Variants in BCCIP observed in about 807,000 individuals in gnomAD.
BCCIP encodes the protein BRCA2 and CDKN1A-interacting protein.
Under a neutral mutation model 32.8 loss-of-function variants are expected in BCCIP, and 23 were observed. That is an observed-to-expected ratio of 0.70 (90% CI 0.51 to 0.99). The LOEUF (loss-of-function observed/expected upper bound fraction) is 0.99, where lower values mean the gene tolerates loss of function less well. Ranked by LOEUF, BCCIP falls within the 50% of genes least tolerant of loss-of-function variation. The pLI is 0.00. For missense variants in BCCIP, 378 were observed against 379.8 expected (o/e 1.00, Z 0.04); for synonymous variants, 144 against 137.6 (o/e 1.05, Z -0.33).
At chr10:125,839,284 T>G, downstream of BCCIP, 4 of 1,304,788 alleles carry the variant, frequency 3.1e-6, no homozygotes, top group Non-Finnish European at 4.2e-6. Context: ...CCCTGTGCTC[T>G]CCTCTCCTAC....
In BCCIP at chr10:125,836,509, T is replaced by G. The variant is rs1564820879; in HGVS notation, c.*235T>G. 1 of 1,358,374 alleles carries G rather than the reference T, an allele frequency of 7.4e-7. No homozygotes were observed. The highest frequency in any genetic ancestry group is 9.6e-7 in the Non-Finnish European group (1 of 1,042,780). The allele number at this position is 1,358,374 out of a possible 1,614,324, so 84.1% of individuals were successfully genotyped here. A position where few individuals can be genotyped will look rare whatever the true frequency, so the allele number is the denominator to read the frequency against. On this transcript the variant is annotated 3_prime_UTR_variant, in exon 7 of 7. Transcript: ENST00000278100. ...AAGAAGAAAAGCATGGAGTAGTAAT[T>G]TAAAGAACTCAATAAAAACTTCTAT...
chr10:125,850,634 C>G (rs1013402550), intron 7 of BCCIP, among the ~76,000 whole-genome samples: 2 of 152,076 alleles, frequency 1.3e-5, no homozygotes, highest in Non-Finnish European at 2.9e-5. Flanking sequence ...GGATTAGAGG[C>G]GTGAGCCACT....
At chr10:125,841,354 G>A (rs1321933484), downstream of BCCIP, 1 of 1,613,880 alleles carries the variant, frequency 6.2e-7, no homozygotes, top group East Asian at 2.2e-5. Flanking sequence ...CCCAGTATTA[G>A]AATAAATTAA....
intron 6 of BCCIP, among the ~76,000 whole-genome samples, chr10:125,835,675 G>A (rs566654929): frequency 2.6e-5 from 4 of 152,270 alleles, no homozygotes; most frequent in Admixed American, 2.0e-4. Context: ...TTTTAAGATG[G>A]CGGGGTATGC....
chr10:125,832,275 A>C (rs1486344312), intron 5 of BCCIP, among the ~76,000 whole-genome samples: 1 of 151,890 alleles, frequency 6.6e-6, no homozygotes, highest in African/African-American at 2.4e-5. Context: ...CCTAGGCTAA[A>C]GTGATCTTCC....
chr10:125,828,564 TGAA>T (rs887465198), intron 3 of BCCIP, among the ~76,000 whole-genome samples: 6 of 152,110 alleles, frequency 3.9e-5, no homozygotes, highest in African/African-American at 1.4e-4. Context: ...AGATAACATT[TGAA>T]GGAGGAGGGG....
At chr10:125,838,734 G>A (rs372100185), downstream of BCCIP, among the ~76,000 whole-genome samples, 31 of 152,122 alleles carry the variant, frequency 2.0e-4, no homozygotes, top group Non-Finnish European at 4.1e-4. Flanking sequence ...TGTGTAGCAC[G>A]CAATGACCCT....
chr10:125,829,742 T>G (rs1372099782), intron 3 of BCCIP, among the ~76,000 whole-genome samples: 2 of 152,232 alleles, frequency 1.3e-5, no homozygotes, highest in Non-Finnish European at 2.9e-5. Flanking sequence ...AAATGTGATC[T>G]CTAGCTGATT....
downstream of BCCIP, chr10:125,838,458 G>GA: frequency 2.2e-6 from 3 of 1,355,778 alleles, no homozygotes; most frequent in South Asian, 1.7e-5. Flanking sequence ...GATGTTTGTT[G>GA]AAAAAAATAC....
rs1854677517 is a variant in BCCIP, at chr10:125,836,176, G to A, written c.847G>A (p.Asp283Asn). The stretch of plus-strand genomic sequence containing the variant: ...TTGTCTGGGAGGCAAATGGTCTTTT[G>A]ATGACGTACCAATGACGCCCTTGCG... ...DTCLGGKWSF[D>N]DVPMTPLRTV... The change falls in exon 7 of 7, where the codon GAT becomes AAT. Residue 283 changes from aspartate to asparagine, a missense_variant. Transcript: ENST00000278100. The A allele has an allele frequency of 6.2e-7, 1 of 1,614,100 alleles. No individual in the cohort carries two copies. The highest frequency in any genetic ancestry group is 1.7e-5 in the Admixed American group (1 of 60,012).
At chr10:125,853,089 A>G in intron 7 of BCCIP, 1 of 1,454,340 alleles carries the variant, frequency 6.9e-7, no homozygotes, top group Non-Finnish European at 9.5e-7. Context: ...CTAATACAGA[A>G]ACTGCGTATG....
chr10:125,849,806 A>G (rs1478850424), intron 7 of BCCIP, among the ~76,000 whole-genome samples: 1 of 152,188 alleles, frequency 6.6e-6, no homozygotes, highest in Non-Finnish European at 1.5e-5. Context: ...CCAAATCTTG[A>G]GTTTCCAAGT....
chr10:125,832,408 G>C (rs908295922), intron 5 of BCCIP, among the ~76,000 whole-genome samples: 5 of 152,088 alleles, frequency 3.3e-5, no homozygotes, highest in Non-Finnish European at 1.5e-5. Flanking sequence ...CCTTTAAATA[G>C]CTGTAGGAAT....
At chr10:125,830,067 A>G (rs534314447) in intron 3 of BCCIP, among the ~76,000 whole-genome samples, 17 of 152,328 alleles carry the variant, frequency 1.1e-4, no homozygotes, top group South Asian at 6.2e-4. Context: ...GCCCTCAAGC[A>G]TTGCCTAGCT....
chr10:125,833,165 G>A (rs1242286608), intron 5 of BCCIP, among the ~76,000 whole-genome samples: 8 of 151,870 alleles, frequency 5.3e-5, no homozygotes, highest in Non-Finnish European at 8.8e-5. Context: ...AAGCTGAAGA[G>A]GACGGTTGTT....
At chr10:125,852,518 T>G in intron 7 of BCCIP, 1 of 1,613,142 alleles carries the variant, frequency 6.2e-7, no homozygotes, top group Non-Finnish European at 8.5e-7. Context: ...TTGACAACAT[T>G]TAGTATTTGT....
intron 7 of BCCIP, among the ~76,000 whole-genome samples, chr10:125,851,920 CAAAAAA>C (rs56380138): frequency 2.3e-5 from 2 of 86,788 alleles, no homozygotes; most frequent in African/African-American, 4.5e-5. Flanking sequence ...GACCCTGTCT[CAAAAAA>C]AAAAAAAAAA....
chr10:125,836,948 ATC>A, downstream of BCCIP: 3 of 1,067,936 alleles, frequency 2.8e-6, no homozygotes, highest in South Asian at 4.5e-5. Flanking sequence ...TCCCTGGAGA[ATC>A]TACCTGTAGA....
Position 125,827,648 on chromosome 10 carries a change from A to C in BCCIP, c.321+10A>C, listed in dbSNP as rs762483429. 1 of 1,578,576 alleles carries C rather than the reference A, an allele frequency of 6.3e-7. No homozygotes were observed. Among genetic ancestry groups the C allele is most frequent in the African/African-American group, 1.3e-5 (1 of 74,134 alleles). The stretch of plus-strand genomic sequence containing the variant: ...TGGGAGTGTGATTAAGGTAAGTAGG[A>C]TAATTGTGTTTATTCTGATTAAATG... On this transcript the variant is annotated intron_variant, in intron 3 of 6. Coordinates refer to ENST00000278100, the MANE Select transcript of BCCIP (RefSeq NM_078468.3).
Sources: allele counts gnomAD v4.1 joint callset (sites outside exome capture counted in the v4.1 genomes callset), GRCh38; gene constraint gnomAD v4.1.1; transcripts MANE v1.5; gene names NCBI Gene and HGNC (gene_info 2026-07-23, HGNC 2026-07-21).